Variants in DTNA observed in about 807,000 individuals in gnomAD.
The protein encoded by DTNA is dystrobrevin alpha, also known as dystrophin-related protein 3.
DTNA carries 43 observed loss-of-function variants against 100.7 expected under a neutral mutation model. The observed-to-expected ratio is 0.43, with a 90% CI of 0.33 to 0.55. The LOEUF is 0.55. Among genes scored for constraint, DTNA ranks in the 20% least tolerant of loss-of-function variants. The pLI, the probability that DTNA is intolerant of heterozygous loss-of-function variation, is 0.04. For missense variants in DTNA, 798 were observed against 953.9 expected, an observed-to-expected ratio of 0.84 and a Z score of 2.15; for synonymous variants, 349 against 347.9, an observed-to-expected ratio of 1.00 and a Z score of -0.04.
In DTNA at chr18:34,867,582, A is replaced by C; in HGVS notation, c.1743+3520A>C. 3 of 1,063,494 alleles carry C rather than the reference A, an allele frequency of 2.8e-6. No individual in the cohort carries two copies. In the South Asian group the frequency reaches 1.4e-4, roughly 48 times the overall value. The allele number at this position is 1,063,494 out of a possible 1,614,324, so 65.9% of individuals were successfully genotyped here. On this transcript the variant is annotated intron_variant, in intron 17 of 22. Transcript: ENST00000444659. ...TGTCTCTTATTTAGCATGTGCATAG[A>C]AAAAGGAAATAAGGTTCAATTATAA...
intron 1 of DTNA, among the ~76,000 whole-genome samples, chr18:34,532,275 T>G (rs948719556): frequency 3.3e-5 from 5 of 152,132 alleles, no homozygotes; most frequent in African/African-American, 1.2e-4. Flanking sequence ...GCATTTAACC[T>G]GTTTTTTGAA....
At chr18:34,850,156 G>C (rs922065630) in intron 14 of DTNA, among the ~76,000 whole-genome samples, 1 of 152,170 alleles carries the variant, frequency 6.6e-6, no homozygotes, top group Non-Finnish European at 1.5e-5. Context: ...ATCATGATTA[G>C]TAAGATGACA....
At chr18:34,750,280 A>G (rs1158609480) in intron 1 of DTNA, among the ~76,000 whole-genome samples, 12 of 152,176 alleles carry the variant, frequency 7.9e-5, no homozygotes, top group Admixed American at 7.2e-4. Flanking sequence ...TCTGGTTTAC[A>G]TAAATCTGGA....
At chr18:34,597,200 G>A (rs1317634373) in intron 1 of DTNA, among the ~76,000 whole-genome samples, 2 of 152,002 alleles carry the variant, frequency 1.3e-5, no homozygotes, top group Admixed American at 6.6e-5. Flanking sequence ...TTTTATGGCT[G>A]TGCAGTATTA....
intron 1 of DTNA, among the ~76,000 whole-genome samples, chr18:34,691,254 GACTAA>G (rs1364739394): frequency 1.3e-5 from 2 of 151,966 alleles, no homozygotes; most frequent in Non-Finnish European, 2.9e-5. Flanking sequence ...AAACATGACC[GACTAA>G]ACTAACTTTC....
At chr18:34,494,952 T>C (rs1473580571) in intron 1 of DTNA, among the ~76,000 whole-genome samples, 1 of 152,204 alleles carries the variant, frequency 6.6e-6, no homozygotes, top group Non-Finnish European at 1.5e-5. Context: ...TTCCACATGT[T>C]CCACGGTTCT....
chr18:34,586,729 T>C (rs1465446570), intron 1 of DTNA, among the ~76,000 whole-genome samples: 1 of 152,186 alleles, frequency 6.6e-6, no homozygotes, highest in Non-Finnish European at 1.5e-5. Context: ...TTCATTTTGC[T>C]CCAAAACCAA....
chr18:34,656,548 A>C (rs1041726778), intron 1 of DTNA, among the ~76,000 whole-genome samples: 1 of 152,156 alleles, frequency 6.6e-6, no homozygotes. Flanking sequence ...AATGCTTTTT[A>C]CTTTCATATT....
At chr18:34,833,290 A>G (rs1357448282) in intron 11 of DTNA, among the ~76,000 whole-genome samples, 1 of 152,148 alleles carries the variant, frequency 6.6e-6, no homozygotes, top group Non-Finnish European at 1.5e-5. Flanking sequence ...AAATATTTTC[A>G]CTGAAGTAAA....
intron 1 of DTNA, among the ~76,000 whole-genome samples, chr18:34,732,723 T>C (rs2088595115): frequency 6.6e-6 from 1 of 152,236 alleles, no homozygotes; most frequent in Non-Finnish European, 1.5e-5. Flanking sequence ...TAAAGTGCTA[T>C]GTTAGTAGGA....
chr18:34,865,269 G>A (rs2096683949), intron 17 of DTNA, among the ~76,000 whole-genome samples: 1 of 148,740 alleles, frequency 6.7e-6, no homozygotes, highest in African/African-American at 2.6e-5. Context: ...TTTTTTGTCT[G>A]TCCTTTCTTT....
At chr18:34,816,135 G>A in intron 7 of DTNA, 121 bp downstream of exon 7, 1 of 995,062 alleles carries the variant, frequency 1.0e-6, no homozygotes, top group South Asian at 1.3e-5. Context: ...TCTTAGTTTT[G>A]TTTAGGGTAG....
At chr18:34,543,979 G>A (rs1038667628) in intron 1 of DTNA, among the ~76,000 whole-genome samples, 1 of 152,050 alleles carries the variant, frequency 6.6e-6, no homozygotes, top group Non-Finnish European at 1.5e-5. Flanking sequence ...AACTTCAAGA[G>A]GCAGTTGCAA....
chr18:34,639,865 A>T (rs923845232), intron 1 of DTNA, among the ~76,000 whole-genome samples: 6 of 152,216 alleles, frequency 3.9e-5, no homozygotes, highest in Non-Finnish European at 7.3e-5. Context: ...CTCAGCTGCC[A>T]GCCTGGCAGA....
At chr18:34,713,230 G>A (rs2083261490) in intron 1 of DTNA, among the ~76,000 whole-genome samples, 1 of 152,100 alleles carries the variant, frequency 6.6e-6, no homozygotes, top group Non-Finnish European at 1.5e-5. Flanking sequence ...TCTTTGTGTA[G>A]TAAAAGGCCA....
intron 1 of DTNA, among the ~76,000 whole-genome samples, chr18:34,496,674 A>G (rs1407585116): frequency 6.6e-6 from 1 of 152,222 alleles, no homozygotes; most frequent in African/African-American, 2.4e-5. Context: ...AAGTTTTAAT[A>G]AAATAATTAT....
At chr18:34,845,893 G>A (rs1384820430) in intron 13 of DTNA, among the ~76,000 whole-genome samples, 1 of 152,094 alleles carries the variant, frequency 6.6e-6, no homozygotes, top group East Asian at 1.9e-4. Flanking sequence ...CACTGGGATT[G>A]ATACTAAACA....
intron 4 of DTNA, among the ~76,000 whole-genome samples, chr18:34,796,066 C>T (rs1430567439): frequency 1.3e-5 from 2 of 152,204 alleles, no homozygotes; most frequent in Non-Finnish European, 2.9e-5. Flanking sequence ...TAGGAAGCCT[C>T]CTGATGTGTA....
intron 1 of DTNA, among the ~76,000 whole-genome samples, chr18:34,581,839 G>A (rs1348554267): frequency 1.3e-5 from 2 of 151,938 alleles, no homozygotes; most frequent in African/African-American, 2.4e-5. Flanking sequence ...GGCCAGGATG[G>A]TCTTGATTTC....
Sources: gnomAD v4.1 joint callset for allele counts (sites outside exome capture counted in the v4.1 genomes callset) on GRCh38, gnomAD v4.1.1 for gene constraint, MANE v1.5 for transcripts, NCBI Gene and HGNC (gene_info 2026-07-23, HGNC 2026-07-21) for gene names.